ADGRL3: variants seen among roughly 807,000 people sequenced by gnomAD.
ADGRL3 encodes the protein adhesion G protein-coupled receptor L3, also known as calcium-independent alpha-latrotoxin receptor 3.
ADGRL3 carries 62 observed loss-of-function variants against 153.5 expected under a neutral mutation model. That is an observed-to-expected ratio of 0.40 (90% CI 0.33 to 0.50). The LOEUF is 0.50. Ranked by LOEUF, ADGRL3 falls within the 20% of genes least tolerant of loss-of-function variation. ADGRL3 has a pLI of 0.47. For missense variants in ADGRL3, 1,641 were observed against 1,859.4 expected (o/e 0.88, Z 2.16); for synonymous variants, 710 against 672.5 (o/e 1.06, Z -0.86).
intron 6 of ADGRL3, among the ~76,000 whole-genome samples, chr4:61,708,186 T>C (rs552419490): frequency 6.6e-5 from 10 of 152,132 alleles, no homozygotes; most frequent in Non-Finnish European, 1.2e-4. Context: ...GAATTTATAT[T>C]GGCTCTGGGA....
chr4:61,592,620 T>C (rs907801485), intron 5 of ADGRL3, among the ~76,000 whole-genome samples: 4 of 152,174 alleles, frequency 2.6e-5, no homozygotes, highest in Admixed American at 6.5e-5. Context: ...ATTTCCTATA[T>C]GGAGGGCATT....
rs1479529954 is a variant in ADGRL3, at chr4:61,497,307, A to G, written c.14A>G (p.Gln5Arg). 2 of 1,604,850 alleles carry G rather than the reference A, an allele frequency of 1.2e-6. No homozygotes were observed. ...GAGTAGACAGCCATGTGGCCATCGC[A>G]GCTACTAATTTTCATGATGCTCTTA... MWPS[Q>R]LLIFMMLLAP... The change falls in exon 3 of 27, where the codon CAG becomes CGG. Residue 5 changes from glutamine to arginine, a missense_variant. Around this residue, in one of 5 missense-constraint regions of ADGRL3, gnomAD observed 145 missense variants for 79.1 expected, o/e 1.83. Transcript: ENST00000683033.
At chr4:61,763,497 T>A (rs2096937920) in intron 8 of ADGRL3, among the ~76,000 whole-genome samples, 2 of 152,152 alleles carry the variant, frequency 1.3e-5, no homozygotes, top group South Asian at 4.1e-4. Flanking sequence ...AATTGTGAAT[T>A]GCCTGTCATA....
At chr4:61,369,137 A>G (rs1284118998) in intron 1 of ADGRL3, among the ~76,000 whole-genome samples, 7 of 152,104 alleles carry the variant, frequency 4.6e-5, no homozygotes, top group Admixed American at 6.5e-5. Context: ...GGGCTGAGAC[A>G]ATGGGGTTTT....
chr4:61,812,897 G>GT (rs202207334), intron 8 of ADGRL3, among the ~76,000 whole-genome samples: 2,034 of 152,126 alleles, frequency 0.013, 19 homozygotes, highest in Non-Finnish European at 0.02. Flanking sequence ...GTGGTTAGTT[G>GT]TTTTTTTCAT....
chr4:61,921,382 C>T (rs997163372), intron 13 of ADGRL3, among the ~76,000 whole-genome samples: 4 of 152,130 alleles, frequency 2.6e-5, no homozygotes, highest in Non-Finnish European at 5.9e-5. Flanking sequence ...TTTCTCTCCA[C>T]AGACTTTCAG....
At chr4:61,905,873 A>T (rs989530334) in intron 11 of ADGRL3, among the ~76,000 whole-genome samples, 2 of 151,504 alleles carry the variant, frequency 1.3e-5, no homozygotes, top group Non-Finnish European at 2.9e-5. Flanking sequence ...CCAGCCTCAG[A>T]GACAGAGGAA....
rs771995926 is a variant in ADGRL3 at position 61,996,378 on chromosome 4, A to C, written c.3303+21A>C. On this transcript the variant is annotated intron_variant, in intron 20 of 26. Coordinates refer to ENST00000683033, the MANE Select transcript of ADGRL3 (RefSeq NM_001387552.1). ...TTATGGTAAGAATTCCTAATTAACTATGTGTTTCCCAGATCAAGAAGTAAA... is the reference window on the plus strand; with the variant it reads ...TTATGGTAAGAATTCCTAATTAACTCTGTGTTTCCCAGATCAAGAAGTAAA... 5.4e-5 allele frequency: 83 copies of C among 1,537,374 alleles called. No homozygotes were observed. The East Asian group carries it at 1.8e-3, about 33-fold the overall frequency.
intron 9 of ADGRL3, among the ~76,000 whole-genome samples, chr4:61,863,954 T>C (rs187226293): frequency 6.6e-6 from 1 of 152,326 alleles, no homozygotes; most frequent in East Asian, 1.9e-4. Flanking sequence ...TGGTCAGAAT[T>C]GATTATTTCT....
intron 9 of ADGRL3, among the ~76,000 whole-genome samples, chr4:61,854,006 T>C (rs1047491944): frequency 6.6e-6 from 1 of 152,248 alleles, no homozygotes; most frequent in Non-Finnish European, 1.5e-5. Context: ...ATGACAGTTA[T>C]CATTTGCAGA....
At chr4:61,723,402 T>G (rs1353473313) in intron 6 of ADGRL3, among the ~76,000 whole-genome samples, 1 of 151,936 alleles carries the variant, frequency 6.6e-6, no homozygotes, top group Admixed American at 6.6e-5. Flanking sequence ...GAAAGTTTAA[T>G]AGGCAAGAAA....
intron 4 of ADGRL3, among the ~76,000 whole-genome samples, chr4:61,549,684 C>G (rs1248441500): frequency 6.6e-6 from 1 of 151,664 alleles, no homozygotes; most frequent in African/African-American, 2.4e-5. Context: ...TATTGTTTAC[C>G]GTAAGATTCA....
At chr4:61,349,245 G>T (rs1489787612) in intron 1 of ADGRL3, among the ~76,000 whole-genome samples, 4 of 152,104 alleles carry the variant, frequency 2.6e-5, no homozygotes, top group African/African-American at 7.2e-5. Context: ...TTATATTGGT[G>T]TTCAGAAATG....
intron 8 of ADGRL3, among the ~76,000 whole-genome samples, chr4:61,745,685 T>G (rs1323677242): frequency 3.9e-5 from 6 of 152,100 alleles, no homozygotes; most frequent in Admixed American, 1.3e-4. Flanking sequence ...CACCAGGGCT[T>G]CCCTAAAAGA....
chr4:61,249,252 G>GT (rs2149417778), intron 1 of ADGRL3, among the ~76,000 whole-genome samples: 1 of 152,202 alleles, frequency 6.6e-6, no homozygotes, highest in Admixed American at 6.5e-5. Flanking sequence ...TTCAGTAAAG[G>GT]TAACACATTC....
chr4:61,899,858 A>G (rs1414875022), intron 11 of ADGRL3, among the ~76,000 whole-genome samples: 1 of 152,180 alleles, frequency 6.6e-6, no homozygotes, highest in East Asian at 1.9e-4. Context: ...CTGGGGCCTC[A>G]TTTATAAGGG....
At chr4:61,389,636 T>A (rs1468410468) in intron 2 of ADGRL3, among the ~76,000 whole-genome samples, 1 of 152,166 alleles carries the variant, frequency 6.6e-6, no homozygotes, top group African/African-American at 2.4e-5. Flanking sequence ...TGCTATGAGA[T>A]TATGTTTTCT....
chr4:62,052,394 C>A (rs1267672665), intron 25 of ADGRL3, among the ~76,000 whole-genome samples: 1 of 151,324 alleles, frequency 6.6e-6, no homozygotes, highest in African/African-American at 2.4e-5. Flanking sequence ...CTGTACTATT[C>A]ATTTGCTTCC....
At chr4:61,397,909 G>T (rs2096887083) in intron 2 of ADGRL3, among the ~76,000 whole-genome samples, 1 of 151,828 alleles carries the variant, frequency 6.6e-6, no homozygotes, top group Non-Finnish European at 1.5e-5. Flanking sequence ...ATAATAAAGT[G>T]GTCATTGGAG....
Sources: gnomAD v4.1 joint callset for allele counts (sites outside exome capture counted in the v4.1 genomes callset) on GRCh38, gnomAD v4.1.1 for gene constraint, gnomAD v4.1.1 regional missense constraint, MANE v1.5 for transcripts, NCBI Gene and HGNC (gene_info 2026-07-23, HGNC 2026-07-21) for gene names.